The following METTL25 variants were observed in gnomAD, a reference collection of about 807,000 sequenced individuals.
METTL25 encodes probable methyltransferase-like protein 25.
In METTL25, 64 loss-of-function variants were observed where a neutral mutation model predicts 71.6. That is an observed-to-expected ratio of 0.89 (90% confidence interval 0.73 to 1.10). The LOEUF (loss-of-function observed/expected upper bound fraction) is 1.10. Ranked by LOEUF, METTL25 falls within the 50% of genes least tolerant of loss-of-function variation. The pLI, the probability that METTL25 is intolerant of heterozygous loss-of-function variation, is 0.00. For synonymous variants in METTL25, 287 were observed against 250.3 expected, an observed-to-expected ratio of 1.15 and a Z score of -1.38; for missense variants, 807 against 707.0, an observed-to-expected ratio of 1.14 and a Z score of -1.60.
chr12:82,386,444 TC>T (rs1885013527), intron 1 of METTL25, among the ~76,000 whole-genome samples: 2 of 58,852 alleles, frequency 3.4e-5, no homozygotes, highest in Admixed American at 1.9e-4. Flanking sequence ...CCTCCCTCCC[TC>T]CCTCCCTCCC....
chr12:82,454,308 G>A (rs1891337965), intron 8 of METTL25, among the ~76,000 whole-genome samples: 1 of 152,030 alleles, frequency 6.6e-6, no homozygotes, highest in Non-Finnish European at 1.5e-5. Flanking sequence ...GAGGAGTTTG[G>A]TGTTTCCAAA....
At position 82,358,585 on chromosome 12, in the gene METTL25, T is replaced by C. The variant is rs752931837; in HGVS notation, c.20T>C (p.Leu7Pro). ...AGCGTCATGGCGGCTTCTTGCCCTCTCCCGGTGACCCCGGACCTGCCCACG... is the reference window on the plus strand; with the variant it reads ...AGCGTCATGGCGGCTTCTTGCCCTCCCCCGGTGACCCCGGACCTGCCCACG... MAASCP[L>P]PVTPDLPTLR... Residue 7 changes from leucine (L) to proline (P), a missense_variant, in exon 1 of 12, where the codon CTC becomes CCC. Leu to Pro is a moderately conservative substitution (Grantham distance 98, BLOSUM62 -3). Transcript: ENST00000248306. 2 of 1,612,244 alleles carry C rather than the reference T, an allele frequency of 1.2e-6. No individual in the cohort carries two copies. Among genetic ancestry groups the C allele is most frequent in the Non-Finnish European group, 1.7e-6 (2 of 1,179,930 alleles).
At chr12:82,395,228 G>A (rs1885962908) in intron 3 of METTL25, among the ~76,000 whole-genome samples, 1 of 152,014 alleles carries the variant, frequency 6.6e-6, no homozygotes, top group Non-Finnish European at 1.5e-5. Flanking sequence ...TATCTGAGCA[G>A]GAGCATCCAG....
chr12:82,397,205 T>C (rs1886157190), intron 3 of METTL25, among the ~76,000 whole-genome samples: 2 of 152,114 alleles, frequency 1.3e-5, no homozygotes. Context: ...TACATCTGCG[T>C]ACATCTCACT....
At chr12:82,412,885 C>T (rs1887659895) in intron 5 of METTL25, among the ~76,000 whole-genome samples, 1 of 151,778 alleles carries the variant, frequency 6.6e-6, no homozygotes, top group African/African-American at 2.4e-5. Flanking sequence ...AAATATTTTA[C>T]TTTACTTACT....
intron 1 of METTL25, among the ~76,000 whole-genome samples, chr12:82,379,477 A>C (rs1884212810): frequency 6.6e-6 from 1 of 151,960 alleles, no homozygotes; most frequent in East Asian, 1.9e-4. Context: ...TTCTCATTTT[A>C]AATGAAGTTT....
chr12:82,454,155 C>T (rs1331298306), intron 8 of METTL25, among the ~76,000 whole-genome samples: 2 of 151,892 alleles, frequency 1.3e-5, no homozygotes, highest in Non-Finnish European at 2.9e-5. Context: ...AATTCACTGG[C>T]TTAAAATATC....
intron 1 of METTL25, among the ~76,000 whole-genome samples, chr12:82,372,607 T>A (rs541363726): frequency 1.3e-5 from 2 of 152,134 alleles, no homozygotes; most frequent in Non-Finnish European, 2.9e-5. Context: ...TGGCCATTTT[T>A]CCCCATCAGA....
At chr12:82,381,949 T>A (rs1449689686) in intron 1 of METTL25, among the ~76,000 whole-genome samples, 1 of 152,122 alleles carries the variant, frequency 6.6e-6, no homozygotes, top group Non-Finnish European at 1.5e-5. Context: ...AGTAGTGATG[T>A]GGGAGGGGGT....
intron 8 of METTL25, among the ~76,000 whole-genome samples, chr12:82,453,263 G>T (rs1283014461): frequency 1.3e-5 from 2 of 152,082 alleles, no homozygotes; most frequent in African/African-American, 4.8e-5. Context: ...ATAGCAGGAG[G>T]GTCTGCATAG....
intron 3 of METTL25, among the ~76,000 whole-genome samples, chr12:82,394,487 G>C (rs1009471836): frequency 1.3e-5 from 2 of 151,868 alleles, no homozygotes; most frequent in African/African-American, 2.4e-5. Context: ...CATTACCAAG[G>C]CTTCTTAATT....
chr12:82,460,467 C>A (rs964678423), intron 9 of METTL25, among the ~76,000 whole-genome samples: 1 of 152,106 alleles, frequency 6.6e-6, no homozygotes, highest in Non-Finnish European at 1.5e-5. Flanking sequence ...GAATCTCAGC[C>A]AAGTAATCAA....
chr12:82,362,579 C>T (rs1565793535), intron 1 of METTL25, among the ~76,000 whole-genome samples: 1 of 152,134 alleles, frequency 6.6e-6, no homozygotes, highest in Non-Finnish European at 1.5e-5. Context: ...GGAGGTAGCC[C>T]AGGACATCCT....
intron 1 of METTL25, among the ~76,000 whole-genome samples, chr12:82,372,878 C>A (rs1285661611): frequency 6.6e-6 from 1 of 152,176 alleles, no homozygotes; most frequent in Non-Finnish European, 1.5e-5. Context: ...AGAAACACTT[C>A]TTGCCCAAGA....
chr12:82,459,871 T>A (rs1424963482), intron 9 of METTL25: 2 of 152,226 alleles, frequency 1.3e-5, no homozygotes, highest in African/African-American at 4.8e-5. Context: ...CTCTATTTAT[T>A]CCAGAAGATC....
chr12:82,438,668 T>G, intron 7 of METTL25, 50 bp from the exon 8 acceptor site: 1 of 1,199,250 alleles, frequency 8.3e-7, no homozygotes, highest in Non-Finnish European at 1.1e-6. Flanking sequence ...ATTTATTTTA[T>G]TTCTGTTTTT....
intron 9 of METTL25, among the ~76,000 whole-genome samples, chr12:82,457,090 A>C (rs1891548135): frequency 6.6e-6 from 1 of 152,024 alleles, no homozygotes; most frequent in African/African-American, 2.4e-5. Context: ...GTTAAAAAGC[A>C]GGACAACAGT....
At chr12:82,403,862 G>A (rs925562367) in intron 5 of METTL25, among the ~76,000 whole-genome samples, 54 of 152,170 alleles carry the variant, frequency 3.5e-4, no homozygotes, top group African/African-American at 9.4e-4. Context: ...ATAGTAGTTC[G>A]TTTTTATGTT....
chr12:82,404,649 G>A (rs1350983789), intron 5 of METTL25, among the ~76,000 whole-genome samples: 3 of 152,260 alleles, frequency 2.0e-5, no homozygotes, highest in South Asian at 2.1e-4. Context: ...TTGGGGACAG[G>A]TGTAGACACT....
Sources: gnomAD v4.1 joint callset for allele counts (sites outside exome capture counted in the v4.1 genomes callset) on GRCh38, gnomAD v4.1.1 for gene constraint, MANE v1.5 for transcripts, NCBI Gene and HGNC (gene_info 2026-07-23, HGNC 2026-07-21) for gene names.